The following NOS1 variants were observed in gnomAD, a reference collection of about 807,000 sequenced individuals.
NOS1 encodes the protein NOS type I.
In NOS1, 51 loss-of-function variants were observed where a neutral mutation model predicts 164.5. The observed-to-expected ratio is 0.31, with a 90% CI of 0.25 to 0.39. The LOEUF (loss-of-function observed/expected upper bound fraction) is 0.39, where lower values mean the gene tolerates loss of function less well. Ranked by LOEUF, NOS1 falls within the 10% of genes least tolerant of loss-of-function variation. NOS1 has a pLI of 1.00. For missense variants in NOS1, 1,362 were observed against 1,885.6 expected, an observed-to-expected ratio of 0.72 and a Z score of 5.14; for synonymous variants, 719 against 745.8, an observed-to-expected ratio of 0.96 and a Z score of 0.59.
chr12:117,253,555 G>A (rs1871238877), intron 17 of NOS1, 83 bp downstream of exon 17: 9 of 910,744 alleles, frequency 9.9e-6, no homozygotes, highest in South Asian at 1.4e-5. Flanking sequence ...TCTCCACAAC[G>A]AAGCGCTCAC....
chr12:117,246,975 G>T (rs816353), intron 18 of NOS1, among the ~76,000 whole-genome samples: 83,259 of 151,960 alleles, frequency 0.55, 25,210 homozygotes, highest in African/African-American at 0.81. Context: ...AGGGGTAGGC[G>T]TGTCAAAATT....
At chr12:117,221,580 G>A (rs895300840) in intron 26 of NOS1, among the ~76,000 whole-genome samples, 2 of 151,640 alleles carry the variant, frequency 1.3e-5, no homozygotes, top group Non-Finnish European at 2.9e-5. Flanking sequence ...CACCACACCC[G>A]GCCTAAATTT....
At chr12:117,332,947 A>C (rs1438114082) in intron 1 of NOS1, among the ~76,000 whole-genome samples, 1 of 152,148 alleles carries the variant, frequency 6.6e-6, no homozygotes, top group Non-Finnish European at 1.5e-5. Context: ...GGAATCTTGC[A>C]AGTCACTGAC....
rs914644370 is a variant in NOS1, at chr12:117,211,387, G to T, written c.*3922C>A. The T allele has an allele frequency of 5.1e-6, 5 of 985,282 alleles. No homozygotes were observed. In the East Asian group the frequency reaches 4.5e-4, roughly 89 times the overall value. 61.0% of individuals were successfully genotyped at this position (985,282 alleles called of 1,614,324 possible). A position where few individuals can be genotyped will look rare whatever the true frequency, so the allele number is the denominator to read the frequency against. ...TTCCCTCACTCAAGCCTTGGTTGCAGCAATAACCCCCCCAACAGCTCAACG... is the reference window on the plus strand; with the variant it reads ...TTCCCTCACTCAAGCCTTGGTTGCATCAATAACCCCCCCAACAGCTCAACG... On this transcript the variant is annotated 3_prime_UTR_variant, in exon 29 of 29. Transcript: ENST00000317775.
At chr12:117,325,745 G>A (rs954966964) in intron 2 of NOS1, among the ~76,000 whole-genome samples, 7 of 152,186 alleles carry the variant, frequency 4.6e-5, no homozygotes, top group Admixed American at 3.9e-4. Context: ...CCAAGGCGAC[G>A]CTGCTCATGG....
chr12:117,265,818 T>C (rs1212968879), intron 11 of NOS1, among the ~76,000 whole-genome samples: 25 of 151,556 alleles, frequency 1.6e-4, no homozygotes. Flanking sequence ...TGAGACGGAG[T>C]CTTGCTCTAT....
chr12:117,265,616 GT>G, intron 11 of NOS1, 106 bp from the exon 12 acceptor site: 1 of 757,004 alleles, frequency 1.3e-6, no homozygotes, highest in Non-Finnish European at 2.0e-6. Context: ...CCCTGAGATG[GT>G]TTAGAGCAGC....
chr12:117,236,638 G>A (rs1178945581), intron 20 of NOS1, among the ~76,000 whole-genome samples: 1 of 152,196 alleles, frequency 6.6e-6, no homozygotes, highest in Non-Finnish European at 1.5e-5. Context: ...GCTGCAAGAA[G>A]GAACTCGCAG....
intron 22 of NOS1, 138 bp downstream of exon 22, chr12:117,231,824 T>A (rs921858733): frequency 5.4e-6 from 5 of 922,642 alleles, no homozygotes; most frequent in Middle Eastern, 3.4e-4. Flanking sequence ...CCAGCCAATA[T>A]GGCAATCTAC....
intron 1 of NOS1, among the ~76,000 whole-genome samples, chr12:117,337,318 A>G (rs4482113): frequency 0.83 from 125,692 of 151,640 alleles, 52,395 homozygotes; most frequent in African/African-American, 0.9. Flanking sequence ...GGGTTTCACC[A>G]TGTTAGCCAG....
intron 23 of NOS1, 106 bp downstream of exon 23, chr12:117,227,325 T>A (rs1190769566): frequency 5.6e-6 from 6 of 1,075,140 alleles, no homozygotes; most frequent in African/African-American, 1.6e-5. Flanking sequence ...ATGAGTTTCT[T>A]CCCAGGGATT....
At chr12:117,290,243 T>C (rs986689210) in intron 4 of NOS1, 55 bp downstream of exon 4, 2 of 1,601,528 alleles carry the variant, frequency 1.2e-6, no homozygotes, top group Admixed American at 1.7e-5. Context: ...CGACTCCAAA[T>C]GTGGATAGTG....
At chr12:117,268,383 A>G (rs1481592873) in intron 10 of NOS1, among the ~76,000 whole-genome samples, 2 of 151,884 alleles carry the variant, frequency 1.3e-5, no homozygotes, top group East Asian at 1.9e-4. Context: ...GGCTTCTGCC[A>G]CTATGCCTGG....
Position 117,208,888 on chromosome 12 carries a change from G to T in NOS1, c.*6421C>A. Reference sequence around the variant, plus strand: ...CAGATGCCCGCCACCACGCCGGGCTGATTTTTGTATTTTTAGTAGAGACGA... The same window carrying T: ...CAGATGCCCGCCACCACGCCGGGCTTATTTTTGTATTTTTAGTAGAGACGA... On this transcript the variant is annotated 3_prime_UTR_variant, in exon 29 of 29. Coordinates refer to ENST00000317775, the MANE Select transcript of NOS1 (RefSeq NM_000620.5). 1.6e-6 allele frequency: 1 copy of T among 622,012 alleles called. No homozygotes were observed. Among genetic ancestry groups the T allele is most frequent in the Non-Finnish European group, 2.0e-6 (1 of 497,760 alleles). 38.5% of individuals were successfully genotyped at this position (622,012 alleles called of 1,614,324 possible).
chr12:117,268,078 C>T lies in NOS1; in HGVS notation c.1906G>A (p.Val636Met). The change falls in exon 11 of 29, where the codon GTG becomes ATG. Residue 636 changes from valine to methionine, a missense_variant. Transcript: ENST00000317775. ...TSSLWKDQAL[V>M]EINIAVLYSF... The stretch of plus-strand genomic sequence containing the variant: ...TAGAGAACCGCGATATTGATCTCCA[C>T]CAGCGCCTGGTCCTTCCACAGGGAG... 6.2e-7 allele frequency: 1 copy of T among 1,614,088 alleles called. No homozygotes were observed. The highest frequency in any genetic ancestry group is 8.5e-7 in the Non-Finnish European group (1 of 1,179,972).
intron 5 of NOS1, 38 bp downstream of exon 5, chr12:117,288,036 A>T (rs771053472): frequency 4.3e-6 from 7 of 1,611,366 alleles, no homozygotes; most frequent in Non-Finnish European, 5.9e-6. Context: ...AGCATTCGAT[A>T]ACTTACCTCG....
rs371679280 is a variant in NOS1 at position 117,249,481 on chromosome 12, A to G, written c.2649-1959T>C. On this transcript the variant is annotated intron_variant, in intron 17 of 28. Transcript: ENST00000317775. ...CTTGAATTCTACAAGTGACATAACT[A>G]GATTAGTTTTAAATATGAAGATAAT... is the stretch of plus-strand genomic sequence containing the variant. 6.6e-5 allele frequency among the ~76,000 whole-genome samples: 10 copies of G among 152,342 alleles called. No homozygotes were observed. In the South Asian group the frequency reaches 1.0e-3, roughly 16 times the overall value.
chr12:117,210,377 TTCTC>T lies in NOS1; in HGVS notation c.*4928_*4931del. ...GTTATAAAGGAAGACTAGTTAGTGTTTCTCTCTCCTTGTTGCTTCCTGGCAGTCT... is the reference window on the plus strand; with the variant it reads ...GTTATAAAGGAAGACTAGTTAGTGTTTCTCCTTGTTGCTTCCTGGCAGTCT... On this transcript the variant is annotated 3_prime_UTR_variant, in exon 29 of 29. Transcript: ENST00000317775. The T allele has an allele frequency of 1.0e-6, 1 of 985,342 alleles. No homozygotes were observed. The highest frequency in any genetic ancestry group is 1.2e-6 in the Non-Finnish European group (1 of 829,936). 61.0% of individuals were successfully genotyped at this position (985,342 alleles called of 1,614,324 possible). A position where few individuals can be genotyped will look rare whatever the true frequency, so the allele number is the denominator to read the frequency against.
At chr12:117,341,162 G>A (rs1401199005) in intron 1 of NOS1, among the ~76,000 whole-genome samples, 2 of 152,280 alleles carry the variant, frequency 1.3e-5, no homozygotes, top group East Asian at 3.9e-4. Context: ...GTAGTGTCTG[G>A]TGGATGTGCT....
Sources: gnomAD v4.1 joint callset for allele counts (sites outside exome capture counted in the v4.1 genomes callset) on GRCh38, gnomAD v4.1.1 for gene constraint, MANE v1.5 for transcripts, NCBI Gene and HGNC (gene_info 2026-07-23, HGNC 2026-07-21) for gene names.